SPHK1: variants seen among roughly 807,000 people sequenced by gnomAD.
SPHK1 encodes the protein sphingosine kinase 1, also known as SK 1.
In SPHK1, 10 loss-of-function variants were observed where a neutral mutation model predicts 14.6. The observed-to-expected ratio is 0.68, with a 90% confidence interval of 0.42 to 1.16. The LOEUF is 1.16. SPHK1 is among the 50% of genes most tolerant of loss of function. The probability of loss-of-function intolerance (pLI) is 0.00; values close to 1 mark genes in which losing one functional copy is unlikely to be tolerated. For missense variants in SPHK1, 553 were observed against 525.4 expected, an observed-to-expected ratio of 1.05 and a Z score of -0.51; for synonymous variants, 274 against 224.0, an observed-to-expected ratio of 1.22 and a Z score of -1.99.
upstream of SPHK1, chr17:76,383,810 C>T: frequency 7.8e-7 from 1 of 1,286,676 alleles, no homozygotes. Context: ...GGCGCCCCTT[C>T]TTCACGCTGA....
Position 76,385,235 on chromosome 17 carries a change from C to A in SPHK1, c.-194-216C>A. 2 of 1,539,666 alleles carry A rather than the reference C, an allele frequency of 1.3e-6. No homozygotes were observed. The highest frequency in any genetic ancestry group is 1.8e-6 in the Non-Finnish European group (2 of 1,142,198). On this transcript the variant is annotated intron_variant, in intron 1 of 5. Transcript: ENST00000592299. This position sits in a 1 kb window ranked among gnomAD's most constrained non-coding sequence, Gnocchi z 5.3. ...CTCATCCGTCGGGCCGGAACCGAAC[C>A]CCAAGCCCCAGGGAGAAAGCCCCGG...
chr17:76,385,963 C>T lies in SPHK1; in HGVS notation c.11-22C>T. 6.3e-7 allele frequency: 1 copy of T among 1,586,516 alleles called. No individual in the cohort carries two copies. The highest frequency in any genetic ancestry group is 8.6e-7 in the Non-Finnish European group (1 of 1,164,488). On this transcript the variant is annotated intron_variant, in intron 2 of 5. Coordinates refer to ENST00000592299, the MANE Select transcript of SPHK1 (RefSeq NM_001142601.2). This position sits in a 1 kb window ranked among gnomAD's most constrained non-coding sequence, Gnocchi z 5.3. ...CCTAGTGGTCGGTTGCGGACGTGGC[C>T]TCTTTGGTTTTGTTTTCTCAGCGGG...
chr17:76,387,046 C>G lies in SPHK1; in HGVS notation c.615C>G (p.Thr205=). ...TCCTGCGTCTGGCAGCCCTGCGCAC[C>G]TACCGCGGCCGACTGGCCTACCTCC... ...GTFLRLAALR[T]YRGRLAYLPV... The change falls in exon 6 of 6, where the codon ACC becomes ACG. Residue 205 remains threonine (T), a synonymous_variant. Coordinates refer to ENST00000592299, the MANE Select transcript of SPHK1 (RefSeq NM_001142601.2). The surrounding 1 kb of genome is among the most constrained non-coding windows in gnomAD (Gnocchi z 4.1). The G allele has an allele frequency of 6.2e-7, 1 of 1,613,598 alleles. No homozygotes were observed. The highest frequency in any genetic ancestry group is 8.5e-7 in the Non-Finnish European group (1 of 1,180,046).
At chr17:76,384,247 C>A (rs1436853794), upstream of SPHK1, 4 of 152,430 alleles carry the variant, frequency 2.6e-5, no homozygotes, top group African/African-American at 9.7e-5. Flanking sequence ...GCGCGCCCGG[C>A]GCTCGCTCCG....
chr17:76,387,553 C>T lies in SPHK1; in HGVS notation c.1122C>T (p.Pro374=). ...TGGAGCCCCCGCCCAGCTGGAAGCC[C>T]CAGCAGATGCCACCGCCAGAAGAGC... is the stretch of plus-strand genomic sequence containing the variant. The part of the protein sequence containing the change: ...GCVEPPPSWK[P]QQMPPPEEPL The change falls in exon 6 of 6, where the codon CCC becomes CCT. Residue 374 remains proline, a synonymous_variant. Transcript: ENST00000592299. The surrounding 1 kb of genome is among the most constrained non-coding windows in gnomAD (Gnocchi z 4.1). The T allele has an allele frequency of 6.2e-7, 1 of 1,603,118 alleles. No homozygotes were observed. The highest frequency in any genetic ancestry group is 1.1e-5 in the South Asian group (1 of 90,386).
At position 76,385,350 on chromosome 17, in the gene SPHK1, G is replaced by A. The variant is rs1348068213; in HGVS notation, c.-194-101G>A. 3 of 1,448,622 alleles carry A rather than the reference G, an allele frequency of 2.1e-6. No individual in the cohort carries two copies. The highest frequency in any genetic ancestry group is 2.7e-6 in the Non-Finnish European group (3 of 1,103,274). 89.7% of individuals were successfully genotyped at this position (1,448,622 alleles called of 1,614,324 possible). ...GACCTCAGCTCTCTGGACTTCCCGG[G>A]AACCTGGCTCCCCGCGCGTGGTCCC... On this transcript the variant is annotated intron_variant, in intron 1 of 5. Coordinates refer to ENST00000592299, the MANE Select transcript of SPHK1 (RefSeq NM_001142601.2). The surrounding 1 kb of genome is among the most constrained non-coding windows in gnomAD (Gnocchi z 5.3).
chr17:76,387,101 G>A lies in SPHK1; in HGVS notation c.670G>A (p.Ala224Thr), dbSNP rs2072002436. 4 of 1,613,294 alleles carry A rather than the reference G, an allele frequency of 2.5e-6. No individual in the cohort carries two copies. The highest frequency in any genetic ancestry group is 3.4e-6 in the Non-Finnish European group (4 of 1,180,048). ...PVGRVGSKTP[A>T]SPVVVQQGPV... ...AGGAAGAGTGGGTTCCAAGACACCT[G>A]CCTCCCCCGTTGTGGTCCAGCAGGG... Residue 224 changes from alanine (A) to threonine (T), a missense_variant, in exon 6 of 6, where the codon GCC becomes ACC. Transcript: ENST00000592299. The surrounding 1 kb of genome is among the most constrained non-coding windows in gnomAD (Gnocchi z 4.1).
At chr17:76,383,790 G>C (rs1201861368), upstream of SPHK1, 2 of 1,257,340 alleles carry the variant, frequency 1.6e-6, no homozygotes, top group African/African-American at 3.1e-5. Flanking sequence ...CAACTTCTGA[G>C]CGCGTTTCCG....
rs2072021278 is a variant in SPHK1 at position 76,387,721 on chromosome 17, C to T, written c.*135C>T. 1 of 1,064,818 alleles carries T rather than the reference C, an allele frequency of 9.4e-7. No homozygotes were observed. The highest frequency in any genetic ancestry group is 1.3e-6 in the Non-Finnish European group (1 of 765,448). 66.0% of individuals were successfully genotyped at this position (1,064,818 alleles called of 1,614,324 possible). On this transcript the variant is annotated 3_prime_UTR_variant, in exon 6 of 6. Coordinates refer to ENST00000592299, the MANE Select transcript of SPHK1 (RefSeq NM_001142601.2). The surrounding 1 kb of genome is among the most constrained non-coding windows in gnomAD (Gnocchi z 4.1). ...GAAGGGTGAGAAGGTGGAGGCTATG[C>T]TTTGGGGGGACAGGCCAGAATGAAG...
Position 76,385,605 on chromosome 17 carries a change from G to T in SPHK1, c.-40G>T, listed in dbSNP as rs748955405. 5 of 1,540,110 alleles carry T rather than the reference G, an allele frequency of 3.2e-6. No individual in the cohort carries two copies. In the South Asian group the frequency reaches 3.6e-5, roughly 11 times the overall value. On this transcript the variant is annotated 5_prime_UTR_variant, in exon 2 of 6. Coordinates refer to ENST00000592299, the MANE Select transcript of SPHK1 (RefSeq NM_001142601.2). This position sits in a 1 kb window ranked among gnomAD's most constrained non-coding sequence, Gnocchi z 5.3. ...CCGCCACGGGCAGCGCCCCCACAGC[G>T]CCAGGGACCCCCTGGCAGCGGGAGC...
In SPHK1 at chr17:76,386,664, A is replaced by G; in HGVS notation, c.375-142A>G. 2.5e-6 allele frequency: 3 copies of G among 1,178,208 alleles called. No homozygotes were observed. The highest frequency in any genetic ancestry group is 2.4e-6 in the Non-Finnish European group (2 of 846,780). 73.0% of individuals were successfully genotyped at this position (1,178,208 alleles called of 1,614,324 possible). A position where few individuals can be genotyped will look rare whatever the true frequency, so the allele number is the denominator to read the frequency against. ...CTGGTGACCCCAGCTGACTGCTTCCATTTGCTCCATCTGTCACCTACCAGT... is the reference window on the plus strand; with the variant it reads ...CTGGTGACCCCAGCTGACTGCTTCCGTTTGCTCCATCTGTCACCTACCAGT... On this transcript the variant is annotated intron_variant, in intron 5 of 5. Transcript: ENST00000592299. The surrounding 1 kb of genome is among the most constrained non-coding windows in gnomAD (Gnocchi z 5.3).
At position 76,386,822 on chromosome 17, in the gene SPHK1, A is replaced by T. The variant is rs1347170501; in HGVS notation, c.391A>T (p.Asn131Tyr). Reference protein sequence around the residue: ...NHYAGYEQVTNEDLLTNCTLL... With the variant: ...NHYAGYEQVTYEDLLTNCTLL... ...CCCCTGCAGCTATGAGCAGGTCACCAATGAAGACCTCCTGACCAACTGCAC... is the reference window on the plus strand; with the variant it reads ...CCCCTGCAGCTATGAGCAGGTCACCTATGAAGACCTCCTGACCAACTGCAC... Residue 131 changes from asparagine to tyrosine, a missense_variant, in exon 6 of 6, where the codon AAT (asparagine) becomes TAT (tyrosine). Coordinates refer to ENST00000592299, the MANE Select transcript of SPHK1 (RefSeq NM_001142601.2). The surrounding 1 kb of genome is among the most constrained non-coding windows in gnomAD (Gnocchi z 5.3). 1 of 1,555,658 alleles carries T rather than the reference A, an allele frequency of 6.4e-7. No individual in the cohort carries two copies. Among genetic ancestry groups the T allele is most frequent in the Non-Finnish European group, 8.7e-7 (1 of 1,148,596 alleles).
At chr17:76,384,030 G>A, upstream of SPHK1, 1 of 392,310 alleles carries the variant, frequency 2.5e-6, no homozygotes, top group South Asian at 2.3e-5. Flanking sequence ...GGGAGCGCGG[G>A]GGAGGAAGAA....
rs1033100113 is a variant in SPHK1, at chr17:76,385,095, C to T, written c.-195+289C>T. The T allele has an allele frequency of 1.9e-5, 29 of 1,560,226 alleles. No individual in the cohort carries two copies. The Admixed American group carries it at 2.1e-4, about 11-fold the overall frequency. On this transcript the variant is annotated intron_variant, in intron 1 of 5. Transcript: ENST00000592299. The surrounding 1 kb of genome is among the most constrained non-coding windows in gnomAD (Gnocchi z 5.3). ...GGGCAGGGATCCTCTCCCAGAACTT[C>T]GTGCCCAGCAATGTCCGCTCAAGTT...
In SPHK1 at chr17:76,386,252, G is replaced by A; in HGVS notation, c.195G>A (p.Arg65=). ...ERRNHARELV[R]SEELGRWDAL... is the part of the protein sequence containing the mutation. Reference sequence around the variant, plus strand: ...GGAACCACGCGCGGGAGCTGGTGCGGTCGGAGGAGCTGGGCCGCTGGGACG... The same window carrying A: ...GGAACCACGCGCGGGAGCTGGTGCGATCGGAGGAGCTGGGCCGCTGGGACG... The change falls in exon 4 of 6, where the codon CGG becomes CGA. Residue 65 remains arginine, a synonymous_variant. Transcript: ENST00000592299. This position sits in a 1 kb window ranked among gnomAD's most constrained non-coding sequence, Gnocchi z 5.3. 4.4e-6 allele frequency: 7 copies of A among 1,595,152 alleles called. No homozygotes were observed. The highest frequency in any genetic ancestry group is 4.3e-6 in the Non-Finnish European group (5 of 1,176,458).
chr17:76,385,785 C>G lies in SPHK1; in HGVS notation c.10+131C>G. ...ACATTATCCCTCACGAGGCCAGAAG[C>G]CGGCCGAATCTGAGCCAAGGAAGGG... On this transcript the variant is annotated intron_variant, in intron 2 of 5. Transcript: ENST00000592299. This position sits in a 1 kb window ranked among gnomAD's most constrained non-coding sequence, Gnocchi z 5.3. 1 of 1,422,572 alleles carries G rather than the reference C, an allele frequency of 7.0e-7. No homozygotes were observed. Among genetic ancestry groups the G allele is most frequent in the Non-Finnish European group, 9.6e-7 (1 of 1,044,292 alleles). 88.1% of individuals were successfully genotyped at this position (1,422,572 alleles called of 1,614,324 possible).
In SPHK1 at chr17:76,386,401, C is replaced by T. The variant is rs1456198328; in HGVS notation, c.267C>T (p.Asn89=). The part of the protein sequence containing the change: ...SGDGLMHEVV[N]GLMERPDWET... ...CACGTGTGCTTCAACAGGTGGTGAA[C>T]GGGCTCATGGAGCGGCCTGACTGGG... is the stretch of plus-strand genomic sequence containing the variant. Residue 89 remains asparagine (N), a synonymous_variant, in exon 5 of 6, where the codon AAC becomes AAT. Coordinates refer to ENST00000592299, the MANE Select transcript of SPHK1 (RefSeq NM_001142601.2). The surrounding 1 kb of genome is among the most constrained non-coding windows in gnomAD (Gnocchi z 5.3). 6.2e-7 allele frequency: 1 copy of T among 1,611,240 alleles called. No homozygotes were observed. Among genetic ancestry groups the T allele is most frequent in the South Asian group, 1.1e-5 (1 of 90,950 alleles).
chr17:76,387,286 G>T lies in SPHK1; in HGVS notation c.855G>T (p.Met285Ile), dbSNP rs757044508. 1 of 1,613,636 alleles carries T rather than the reference G, an allele frequency of 6.2e-7. No homozygotes were observed. The highest frequency in any genetic ancestry group is 8.5e-7 in the Non-Finnish European group (1 of 1,179,976). The change falls in exon 6 of 6, where the codon ATG becomes ATT. Residue 285 changes from methionine to isoleucine, a missense_variant. Coordinates refer to ENST00000592299, the MANE Select transcript of SPHK1 (RefSeq NM_001142601.2). This position sits in a 1 kb window ranked among gnomAD's most constrained non-coding sequence, Gnocchi z 4.1. Reference sequence around the variant, plus strand: ...TGGGCCGCTGTGCAGCTGGCGTCATGCATCTGTTCTACGTGCGGGCGGGAG... The same window carrying T: ...TGGGCCGCTGTGCAGCTGGCGTCATTCATCTGTTCTACGTGCGGGCGGGAG... ...APMGRCAAGVMHLFYVRAGVS... is the reference protein window; with the variant it reads ...APMGRCAAGVIHLFYVRAGVS...
At chr17:76,384,900 G>A (rs2071934331) in intron 1 of SPHK1, 94 bp downstream of exon 1, 1 of 499,968 alleles carries the variant, frequency 2.0e-6, no homozygotes, top group Non-Finnish European at 3.4e-6. Flanking sequence ...TCGCTTGGGC[G>A]AGAGCAGGCG....
Sources: gnomAD v4.1 joint callset for allele counts on GRCh38, gnomAD v4.1.1 for gene constraint, Gnocchi (gnomAD v3.1) non-coding constraint, MANE v1.5 for transcripts, NCBI Gene and HGNC (gene_info 2026-07-23, HGNC 2026-07-21) for gene names.